Variants in CLSTN2 observed in about 807,000 individuals in gnomAD.
CLSTN2 encodes the protein calsyntenin-2.
In CLSTN2, 48 loss-of-function variants were observed where a neutral mutation model predicts 101.2. The observed-to-expected ratio is 0.47, with a 90% CI of 0.38 to 0.60. CLSTN2 has a LOEUF of 0.60. Among genes scored for constraint, CLSTN2 ranks in the 20% least tolerant of loss-of-function variants. The probability of loss-of-function intolerance (pLI) is 0.00; values close to 1 mark genes in which losing one functional copy is unlikely to be tolerated. For missense variants in CLSTN2, 1,160 were observed against 1,238.2 expected (o/e 0.94, Z 0.95); for synonymous variants, 481 against 463.6 (o/e 1.04, Z -0.48).
At chr3:140,131,557 C>A (rs111395385) in intron 1 of CLSTN2, among the ~76,000 whole-genome samples, 3 of 152,300 alleles carry the variant, frequency 2.0e-5, no homozygotes, top group African/African-American at 7.2e-5. Flanking sequence ...TGAATATCCA[C>A]AGCCCCTTGG....
chr3:140,076,625 G>GTGTTTTTT (rs1236822684), intron 1 of CLSTN2, among the ~76,000 whole-genome samples: 2 of 38,070 alleles, frequency 5.3e-5, no homozygotes. Context: ...CACCAGCAGT[G>GTGTTTTTT]TTTTTTTTTT....
chr3:140,394,421 A>G (rs368170396), intron 2 of CLSTN2, among the ~76,000 whole-genome samples: 39 of 152,364 alleles, frequency 2.6e-4, no homozygotes, highest in African/African-American at 9.1e-4. Flanking sequence ...GACAGTGTCC[A>G]GAGGACAAGG....
chr3:140,023,784 C>T (rs1422894068), intron 1 of CLSTN2, among the ~76,000 whole-genome samples: 2 of 152,188 alleles, frequency 1.3e-5, no homozygotes, highest in Admixed American at 6.5e-5. Flanking sequence ...ATTTTCACCT[C>T]CCCGCTTCGC....
intron 1 of CLSTN2, among the ~76,000 whole-genome samples, chr3:139,980,313 C>A (rs1161201979): frequency 1.3e-5 from 2 of 152,162 alleles, no homozygotes; most frequent in Non-Finnish European, 2.9e-5. Context: ...TTCAAGCTTA[C>A]TCCTGCCTCA....
chr3:140,539,883 G>C (rs1435042409), intron 9 of CLSTN2, among the ~76,000 whole-genome samples: 2 of 152,206 alleles, frequency 1.3e-5, no homozygotes, highest in African/African-American at 4.8e-5. Flanking sequence ...CCTCAGCCAA[G>C]TAAGGAAGGC....
intron 8 of CLSTN2, among the ~76,000 whole-genome samples, chr3:140,497,467 G>A (rs1037627032): frequency 1.3e-5 from 2 of 151,892 alleles, no homozygotes; most frequent in Non-Finnish European, 2.9e-5. Context: ...TGGACTCCCC[G>A]AAGCCAGCAG....
intron 8 of CLSTN2, among the ~76,000 whole-genome samples, chr3:140,496,247 A>T (rs1179302332): frequency 6.6e-6 from 1 of 152,090 alleles, no homozygotes; most frequent in African/African-American, 2.4e-5. Flanking sequence ...GAGTTCCTTA[A>T]TGATTTGGCT....
chr3:140,441,376 T>C (rs891614054), intron 5 of CLSTN2, among the ~76,000 whole-genome samples: 4 of 152,196 alleles, frequency 2.6e-5, no homozygotes, highest in African/African-American at 9.6e-5. Context: ...GAACCAAAAT[T>C]TGGAAGCCTA....
At chr3:140,560,085 G>A (rs1488991363) in intron 12 of CLSTN2, among the ~76,000 whole-genome samples, 2 of 152,224 alleles carry the variant, frequency 1.3e-5, no homozygotes, top group Non-Finnish European at 2.9e-5. Context: ...ATGCAGGGAA[G>A]AGCAATTATC....
At chr3:140,025,662 G>A (rs1472624094) in intron 1 of CLSTN2, among the ~76,000 whole-genome samples, 1 of 152,316 alleles carries the variant, frequency 6.6e-6, no homozygotes, top group East Asian at 1.9e-4. Context: ...GACAGCTGCA[G>A]CCAAAGAGTT....
intron 2 of CLSTN2, among the ~76,000 whole-genome samples, chr3:140,178,085 T>C (rs1256219783): frequency 1.3e-5 from 2 of 152,314 alleles, no homozygotes; most frequent in Middle Eastern, 3.4e-3. Flanking sequence ...TGCAGTGTCC[T>C]GAGGCTGGCA....
intron 1 of CLSTN2, among the ~76,000 whole-genome samples, chr3:139,967,369 T>G (rs1277608636): frequency 6.6e-6 from 1 of 152,212 alleles, no homozygotes; most frequent in Non-Finnish European, 1.5e-5. Context: ...TGGCTGCGCT[T>G]CTATCATACT....
chr3:140,259,468 C>T (rs2086631838), intron 2 of CLSTN2, among the ~76,000 whole-genome samples: 1 of 151,810 alleles, frequency 6.6e-6, no homozygotes. Flanking sequence ...AGTGAGACTC[C>T]ATCTCCAAAA....
At chr3:140,348,367 G>A (rs6766533) in intron 2 of CLSTN2, among the ~76,000 whole-genome samples, 68,528 of 151,894 alleles carry the variant, frequency 0.45, 16,173 homozygotes, top group Non-Finnish European at 0.53. Context: ...TGCTCTGATC[G>A]CCCTTATATT....
intron 2 of CLSTN2, among the ~76,000 whole-genome samples, chr3:140,271,414 T>C (rs1200346121): frequency 6.6e-6 from 1 of 152,224 alleles, no homozygotes; most frequent in Non-Finnish European, 1.5e-5. Context: ...CAGTGTATTA[T>C]GTACATGGCA....
At chr3:140,122,560 G>A (rs2009360743) in intron 1 of CLSTN2, among the ~76,000 whole-genome samples, 1 of 152,210 alleles carries the variant, frequency 6.6e-6, no homozygotes, top group Admixed American at 6.5e-5. Flanking sequence ...TGAGCGCTCT[G>A]CTGTGTACCA....
At chr3:140,303,451 G>A (rs1034184169) in intron 2 of CLSTN2, among the ~76,000 whole-genome samples, 1 of 152,158 alleles carries the variant, frequency 6.6e-6, no homozygotes, top group Non-Finnish European at 1.5e-5. Context: ...AGGTCATTTA[G>A]CTTCTCTCAC....
At chr3:140,191,979 T>A (rs917854976) in intron 2 of CLSTN2, among the ~76,000 whole-genome samples, 4 of 151,902 alleles carry the variant, frequency 2.6e-5, no homozygotes, top group Non-Finnish European at 5.9e-5. Context: ...TGTTATAAAT[T>A]TTCTTCTCAT....
At chr3:140,079,983 T>A (rs2008559679) in intron 1 of CLSTN2, among the ~76,000 whole-genome samples, 1 of 152,226 alleles carries the variant, frequency 6.6e-6, no homozygotes, top group African/African-American at 2.4e-5. Context: ...TTGAGGAAGA[T>A]GTGCTCATAT....
Sources: allele counts gnomAD v4.1 joint callset (sites outside exome capture counted in the v4.1 genomes callset), GRCh38; gene constraint gnomAD v4.1.1; transcripts MANE v1.5; gene names NCBI Gene and HGNC (gene_info 2026-07-23, HGNC 2026-07-21).